TM2D3: variants seen among roughly 807,000 people sequenced by gnomAD.
TM2D3 encodes the protein TM2 domain containing 3.
A neutral mutation model predicts 27.3 loss-of-function variants in TM2D3; 33 were observed. That is an observed-to-expected ratio of 1.21 (90% CI 0.92 to 1.61). TM2D3 has a LOEUF of 1.61. Among genes scored for constraint, TM2D3 ranks in the 40% most tolerant of loss-of-function variants. TM2D3 has a pLI of 0.00. For synonymous variants in TM2D3, 138 were observed against 122.2 expected (o/e 1.13, Z -0.85); for missense variants, 364 against 320.8 (o/e 1.13, Z -1.03).
At chr15:101,648,295 C>T (rs1205397448) in intron 3 of TM2D3, 5 of 152,174 alleles carry the variant, frequency 3.3e-5, no homozygotes, top group Non-Finnish European at 5.9e-5. Flanking sequence ...TTGGCATATG[C>T]GCTGATGAAG....
chr15:101,646,465 A>C, intron 4 of TM2D3: 4 of 269,130 alleles, frequency 1.5e-5, no homozygotes, highest in Non-Finnish European at 3.0e-5. Context: ...TATTTTGGGT[A>C]AAGGTCAATT....
chr15:101,639,203 G>C, downstream of TM2D3, among the ~76,000 whole-genome samples: 1 of 152,182 alleles, frequency 6.6e-6, no homozygotes, highest in East Asian at 1.9e-4. Context: ...TTTGCTAAGA[G>C]TAGATTTTAA....
intron 4 of TM2D3, 130 bp from the exon 5 acceptor site, chr15:101,645,292 G>A (rs1896776322): frequency 1.3e-6 from 1 of 744,772 alleles, no homozygotes; most frequent in Non-Finnish European, 2.2e-6. Flanking sequence ...ATGTTGAAGT[G>A]AAGAGTACAA....
In TM2D3 at chr15:101,642,622, C is replaced by T. The variant is rs748324736; in HGVS notation, c.601G>A (p.Ala201Thr). The change falls in exon 6 of 6, where the codon GCA becomes ACA. Residue 201 changes from alanine (A) to threonine (T), a missense_variant. Physicochemically the swap from Ala to Thr is moderately conservative, Grantham distance 58 (BLOSUM62 0). Coordinates refer to ENST00000333202, the MANE Select transcript of TM2D3 (RefSeq NM_078474.3). ...CACTGGCCCAGGTAGAAACGGTCTG[C>T]TCCAAACCCACCGAGGGTGATGCTG... ...ALSITLGGFG[A>T]DRFYLGQWRE... The T allele has an allele frequency of 1.2e-6, 2 of 1,610,294 alleles. No homozygotes were observed. Among genetic ancestry groups the T allele is most frequent in the East Asian group, 4.5e-5 (2 of 44,654 alleles).
chr15:101,643,597 G>GTT (rs199677842), intron 5 of TM2D3, among the ~76,000 whole-genome samples: 1 of 77,784 alleles, frequency 1.3e-5, no homozygotes, highest in Non-Finnish European at 2.2e-5. Context: ...GAGAGACTCC[G>GTT]TTAAAAAAAA....
At chr15:101,638,161 G>A (rs1896588498), downstream of TM2D3, among the ~76,000 whole-genome samples, 1 of 152,114 alleles carries the variant, frequency 6.6e-6, no homozygotes, top group African/African-American at 2.4e-5. Flanking sequence ...AGTCCCTCCT[G>A]TTTGTTCACG....
exon 5 of TM2D3, chr15:101,633,682 G>A (rs1023016848): frequency 2.0e-6 from 3 of 1,532,954 alleles, no homozygotes; most frequent in South Asian, 2.4e-5. Flanking sequence ...TGATGTCAAT[G>A]AAGTCCAACA....
downstream of TM2D3, among the ~76,000 whole-genome samples, chr15:101,641,234 T>C (rs1896660768): frequency 6.6e-6 from 1 of 152,166 alleles, no homozygotes; most frequent in South Asian, 2.1e-4. Context: ...GTTACTCCCA[T>C]CCTGAAGAAC....
chr15:101,633,631 CTCT>C (rs1360843704), exon 5 of TM2D3: 8 of 1,479,740 alleles, frequency 5.4e-6, no homozygotes, highest in Admixed American at 2.0e-5. Flanking sequence ...ACTTCTCATG[CTCT>C]TCTTCTCACG....
At position 101,643,495 on chromosome 15, in the gene TM2D3, G is replaced by C. The variant is rs538407125; in HGVS notation, c.579-851C>G. Among the ~76,000 whole-genome samples, 53 of 151,576 alleles carry C rather than the reference G, an allele frequency of 3.5e-4. 1 individual carries two copies. The highest frequency in any genetic ancestry group is 1.9e-3 in the South Asian group (9 of 4,792). On this transcript the variant is annotated intron_variant, in intron 5 of 5. Transcript: ENST00000333202. ...CGGGCGCCTGTAGTCCCAGCTGCTC[G>C]GGAGGCTGAGGCAGGAGAATGGCGT... is the stretch of plus-strand genomic sequence containing the variant.
At chr15:101,646,095 C>T (rs764598811) in intron 4 of TM2D3, 8 of 152,336 alleles carry the variant, frequency 5.3e-5, no homozygotes, top group African/African-American at 1.9e-4. Context: ...CAGCGGAAAA[C>T]AGCACTTAAC....
intron 4 of TM2D3, chr15:101,646,097 G>T (rs1896798536): frequency 6.6e-6 from 1 of 152,304 alleles, no homozygotes. Context: ...GCGGAAAACA[G>T]CACTTAACCA....
chr15:101,640,888 C>T (rs1417219233), downstream of TM2D3, among the ~76,000 whole-genome samples: 2 of 152,208 alleles, frequency 1.3e-5, no homozygotes, highest in East Asian at 3.9e-4. Flanking sequence ...TACTCTCAGA[C>T]ACTGCAGCTT....
intron 4 of TM2D3, chr15:101,646,214 G>A (rs978686744): frequency 3.9e-5 from 6 of 154,816 alleles, no homozygotes; most frequent in African/African-American, 1.2e-4. Flanking sequence ...ACAATGTTTA[G>A]GAAATAAGCA....
In TM2D3 at chr15:101,652,316, G is replaced by A. The variant is rs765443343; in HGVS notation, c.46C>T (p.Arg16Cys). 18 of 1,602,582 alleles carry A rather than the reference G, an allele frequency of 1.1e-5. No homozygotes were observed. In the Admixed American group the frequency reaches 1.5e-4, roughly 13 times the overall value. Residue 16 changes from arginine (R) to cysteine (C), a missense_variant, in exon 1 of 6, where the codon CGC (arginine) becomes TGC (cysteine). Arg to Cys is a radical substitution (Grantham distance 180, BLOSUM62 -3). Coordinates refer to ENST00000333202, the MANE Select transcript of TM2D3 (RefSeq NM_078474.3). Reference protein sequence around the residue: ...LPLRGLRALCRVLLFLSQFCI... With the variant: ...LPLRGLRALCCVLLFLSQFCI... The stretch of plus-strand genomic sequence containing the variant: ...AACTGCGAGAGGAAGAGCAGCACGC[G>A]ACACAAGGCGCGGAGGCCCCTCAGC...
At chr15:101,649,898 A>G (rs1896923560) in intron 3 of TM2D3, 106 bp downstream of exon 3, 2 of 1,101,592 alleles carry the variant, frequency 1.8e-6, no homozygotes. Flanking sequence ...TCATAAAAGA[A>G]TATAAAAATT....
chr15:101,638,354 G>A (rs1322817595), downstream of TM2D3, among the ~76,000 whole-genome samples: 3 of 151,834 alleles, frequency 2.0e-5, no homozygotes, highest in African/African-American at 4.8e-5. Context: ...GAGTGCAATG[G>A]TATGATCTCG....
chr15:101,637,129 G>C (rs1176721217), downstream of TM2D3, among the ~76,000 whole-genome samples: 2 of 152,146 alleles, frequency 1.3e-5, no homozygotes, highest in Non-Finnish European at 2.9e-5. Flanking sequence ...CTCGAAGCAG[G>C]GGCTTCCAGA....
chr15:101,647,644 T>A (rs929952504), intron 3 of TM2D3, among the ~76,000 whole-genome samples: 1 of 152,224 alleles, frequency 6.6e-6, no homozygotes, highest in African/African-American at 2.4e-5. Flanking sequence ...CTTTGTATGT[T>A]ACATATTTGA....
Sources: gnomAD v4.1 joint callset for allele counts (sites outside exome capture counted in the v4.1 genomes callset) on GRCh38, gnomAD v4.1.1 for gene constraint, MANE v1.5 for transcripts, NCBI Gene and HGNC (gene_info 2026-07-23, HGNC 2026-07-21) for gene names.